PARD3: variants seen among roughly 807,000 people sequenced by gnomAD.
The protein encoded by PARD3 is partitioning defective 3 homolog.
In PARD3, 75 loss-of-function variants were observed where a neutral mutation model predicts 155.4. That is an observed-to-expected ratio of 0.48 (90% CI 0.40 to 0.58). The LOEUF (loss-of-function observed/expected upper bound fraction) is 0.58. Ranked by LOEUF, PARD3 falls within the 20% of genes least tolerant of loss-of-function variation. The probability of loss-of-function intolerance (pLI) is 0.00; values close to 1 mark genes in which losing one functional copy is unlikely to be tolerated. For synonymous variants in PARD3, 576 were observed against 610.5 expected, an observed-to-expected ratio of 0.94 and a Z score of 0.83; for missense variants, 1,642 against 1,721.7, an observed-to-expected ratio of 0.95 and a Z score of 0.82.
intron 2 of PARD3, among the ~76,000 whole-genome samples, chr10:34,555,415 G>A (rs1001565244): frequency 6.6e-6 from 1 of 151,986 alleles, no homozygotes; most frequent in African/African-American, 2.4e-5. Flanking sequence ...TTCTGTTTTG[G>A]AATTCACTTA....
intron 5 of PARD3, among the ~76,000 whole-genome samples, chr10:34,437,832 T>A (rs975181457): frequency 6.6e-6 from 1 of 152,236 alleles, no homozygotes. Context: ...ACAGAAAACT[T>A]ATGTCACTTT....
At chr10:34,733,783 A>T (rs1204856566) in intron 1 of PARD3, among the ~76,000 whole-genome samples, 1 of 152,218 alleles carries the variant, frequency 6.6e-6, no homozygotes, top group Admixed American at 6.5e-5. Context: ...TATGGGCGTG[A>T]GCCACCGCAC....
intron 1 of PARD3, among the ~76,000 whole-genome samples, chr10:34,734,497 G>A (rs983175659): frequency 2.0e-5 from 3 of 151,782 alleles, no homozygotes; most frequent in South Asian, 2.1e-4. Flanking sequence ...CACCATGCCC[G>A]GCTAATATTT....
chr10:34,282,962 G>A (rs137929285), intron 21 of PARD3, among the ~76,000 whole-genome samples: 4 of 152,130 alleles, frequency 2.6e-5, no homozygotes, highest in East Asian at 1.9e-4. Context: ...GGAACCAGCC[G>A]TCTTGCTTCA....
intron 5 of PARD3, among the ~76,000 whole-genome samples, chr10:34,410,869 C>T (rs995018536): frequency 3.3e-5 from 5 of 152,190 alleles, no homozygotes; most frequent in Non-Finnish European, 5.9e-5. Flanking sequence ...TTCATCAGCT[C>T]AGAGTCCTGT....
At chr10:34,369,684 T>C (rs1172154445) in intron 12 of PARD3, among the ~76,000 whole-genome samples, 1 of 152,170 alleles carries the variant, frequency 6.6e-6, no homozygotes, top group Non-Finnish European at 1.5e-5. Flanking sequence ...CATAACTGTA[T>C]GCACAGTTAC....
chr10:34,742,282 A>G (rs1437426512), intron 1 of PARD3, among the ~76,000 whole-genome samples: 2 of 152,178 alleles, frequency 1.3e-5, no homozygotes, highest in East Asian at 1.9e-4. Context: ...TCTGACACCA[A>G]TGTAAGGGGG....
chr10:34,345,619 G>A, intron 15 of PARD3: 5 of 985,302 alleles, frequency 5.1e-6, no homozygotes, highest in Non-Finnish European at 6.0e-6. Flanking sequence ...TTAGGCGAAT[G>A]GAAATCCAAA....
At chr10:34,786,445 C>T (rs1179077191) in intron 1 of PARD3, among the ~76,000 whole-genome samples, 1 of 152,228 alleles carries the variant, frequency 6.6e-6, no homozygotes, top group African/African-American at 2.4e-5. Flanking sequence ...ACATATTTTA[C>T]AGCAGTTAGG....
chr10:34,113,136 T>C (rs1473744787), intron 24 of PARD3, among the ~76,000 whole-genome samples: 1 of 152,222 alleles, frequency 6.6e-6, no homozygotes, highest in Non-Finnish European at 1.5e-5. Flanking sequence ...GGGATTCTTT[T>C]ATGAGTTATC....
At chr10:34,119,078 C>T (rs966265081) in intron 24 of PARD3, among the ~76,000 whole-genome samples, 4 of 152,122 alleles carry the variant, frequency 2.6e-5, no homozygotes, top group African/African-American at 9.7e-5. Flanking sequence ...TCCCAGCTAA[C>T]AAGCTCAACA....
At chr10:34,234,738 TCAC>T (rs1159016716) in intron 22 of PARD3, among the ~76,000 whole-genome samples, 1 of 152,200 alleles carries the variant, frequency 6.6e-6, no homozygotes, top group African/African-American at 2.4e-5. Flanking sequence ...TTTATTGAAC[TCAC>T]CACTATGTAC....
intron 20 of PARD3, among the ~76,000 whole-genome samples, chr10:34,292,607 T>C (rs1182238730): frequency 1.3e-5 from 2 of 152,200 alleles, no homozygotes; most frequent in African/African-American, 4.8e-5. Flanking sequence ...ATTCACAAAC[T>C]TGAGAATAAT....
At chr10:34,224,518 A>G (rs1952488148) in intron 22 of PARD3, among the ~76,000 whole-genome samples, 1 of 152,244 alleles carries the variant, frequency 6.6e-6, no homozygotes, top group Non-Finnish European at 1.5e-5. Flanking sequence ...TTCTCACCTG[A>G]ATATGCAGAG....
chr10:34,738,686 G>A (rs11009905), intron 1 of PARD3, among the ~76,000 whole-genome samples: 2,282 of 152,300 alleles, frequency 0.015, 17 homozygotes, highest in Admixed American at 0.022. Context: ...CCAGGCTGCA[G>A]TGAGTGAGCT....
chr10:34,739,500 G>A (rs532100600), intron 1 of PARD3, among the ~76,000 whole-genome samples: 2 of 152,332 alleles, frequency 1.3e-5, no homozygotes, highest in South Asian at 4.1e-4. Flanking sequence ...AATCCCAGGA[G>A]TGCTGGGAGA....
At position 34,348,049 on chromosome 10, in the gene PARD3, G is replaced by A. The variant is rs775291320; in HGVS notation, c.2134C>T (p.Arg712Ter). The change falls in exon 15 of 25, where the codon CGA becomes TGA. Residue 712 changes from arginine (R) to a stop codon, truncating the protein, a stop_gained. Coordinates refer to ENST00000374788, the MANE Select transcript of PARD3 (RefSeq NM_001184785.2). LOFTEE classifies it high-confidence loss of function. Reference sequence around the variant, plus strand: ...CTGTAGAGGGAATGGGAAATTCTTCGTTCTCTATCATCCAACGCTGTTTCA... The same window carrying A: ...CTGTAGAGGGAATGGGAAATTCTTCATTCTCTATCATCCAACGCTGTTTCA... The part of the protein sequence containing the change: ...PIETALDDRE[R>*]RISHSLYSGI... The A allele has an allele frequency of 6.2e-7, 1 of 1,613,226 alleles. No homozygotes were observed.
At chr10:34,722,862 G>C (rs1426209352) in intron 1 of PARD3, among the ~76,000 whole-genome samples, 2 of 152,068 alleles carry the variant, frequency 1.3e-5, no homozygotes, top group Non-Finnish European at 2.9e-5. Context: ...ATTTACCAGT[G>C]TAACTATCTG....
intron 22 of PARD3, among the ~76,000 whole-genome samples, chr10:34,190,525 C>T (rs969997774): frequency 6.6e-6 from 1 of 152,094 alleles, no homozygotes; most frequent in African/African-American, 2.4e-5. Flanking sequence ...AAACTAAATG[C>T]CCTTTGAGGT....
Sources: allele counts gnomAD v4.1 joint callset (sites outside exome capture counted in the v4.1 genomes callset), GRCh38; gene constraint gnomAD v4.1.1; transcripts MANE v1.5; gene names NCBI Gene and HGNC (gene_info 2026-07-23, HGNC 2026-07-21).